GPC6: variants seen among roughly 807,000 people sequenced by gnomAD.
GPC6 encodes glypican-6.
A neutral mutation model predicts 55.2 loss-of-function variants in GPC6; 14 were observed. The ratio of observed to expected loss-of-function variants is 0.25; its 90% confidence interval spans 0.17 to 0.40. The LOEUF is 0.40. Among genes scored for constraint, GPC6 ranks in the 10% least tolerant of loss-of-function variants. GPC6 has a pLI of 1.00. For missense variants in GPC6, 641 were observed against 708.5 expected (o/e 0.90, Z 1.08); for synonymous variants, 278 against 259.6 (o/e 1.07, Z -0.68).
intron 1 of GPC6, among the ~76,000 whole-genome samples, chr13:93,229,141 A>T (rs950501256): frequency 6.6e-6 from 1 of 152,202 alleles, no homozygotes; most frequent in Non-Finnish European, 1.5e-5. Context: ...ATCAATGAAT[A>T]GAGAGCGACT....
chr13:93,472,312 C>T (rs1442812814), intron 1 of GPC6, among the ~76,000 whole-genome samples: 2 of 152,326 alleles, frequency 1.3e-5, no homozygotes, highest in African/African-American at 4.8e-5. Flanking sequence ...TCCTCTTGGC[C>T]TAGCAGGCTG....
At chr13:93,795,331 G>A (rs1183821900) in intron 2 of GPC6, among the ~76,000 whole-genome samples, 1 of 152,100 alleles carries the variant, frequency 6.6e-6, no homozygotes, top group Non-Finnish European at 1.5e-5. Context: ...AAGACATCTG[G>A]ATATCAAGAC....
chr13:93,506,107 G>C (rs927183510), intron 1 of GPC6, among the ~76,000 whole-genome samples: 1 of 152,146 alleles, frequency 6.6e-6, no homozygotes, highest in Non-Finnish European at 1.5e-5. Context: ...ATAGGAGAAA[G>C]TTGTTTATTG....
chr13:93,628,339 T>A (rs995734293), intron 2 of GPC6, among the ~76,000 whole-genome samples: 16 of 152,170 alleles, frequency 1.1e-4, no homozygotes, highest in African/African-American at 3.9e-4. Context: ...CTCTGATTCC[T>A]CCTTTGTAAT....
At chr13:94,347,378 G>T (rs1170512723) in intron 6 of GPC6, among the ~76,000 whole-genome samples, 1 of 152,074 alleles carries the variant, frequency 6.6e-6, no homozygotes, top group African/African-American at 2.4e-5. Flanking sequence ...TGTCCTGAAA[G>T]CTCCCCTAGT....
rs1397572926 is a variant in GPC6 at position 93,227,609 on chromosome 13, G to A, written c.153G>A (p.Glu51=). The A allele has an allele frequency of 1.2e-6, 2 of 1,604,240 alleles. No homozygotes were observed. The highest frequency in any genetic ancestry group is 2.2e-5 in the East Asian group (1 of 44,664). ...GCCTGGCGGACATCCCCTACCAGGA[G>A]ATCGCAGGTAAGCGCGGGCGCGCTG... The part of the protein sequence containing the change: ...GFSLADIPYQ[E]IAGEHLRICP... The change falls in exon 1 of 9, where the codon GAG becomes GAA. Residue 51 remains glutamate, a synonymous_variant. Transcript: ENST00000377047. The surrounding 1 kb of genome is among the most constrained non-coding windows in gnomAD (Gnocchi z 4.3).
chr13:93,909,077 A>G (rs1339173337), intron 3 of GPC6, among the ~76,000 whole-genome samples: 1 of 152,200 alleles, frequency 6.6e-6, no homozygotes, highest in Non-Finnish European at 1.5e-5. Flanking sequence ...TGCAAAGGCA[A>G]GCACCTGAGT....
At chr13:94,293,475 C>T (rs1276860974) in intron 5 of GPC6, among the ~76,000 whole-genome samples, 3 of 152,142 alleles carry the variant, frequency 2.0e-5, no homozygotes, top group Non-Finnish European at 4.4e-5. Context: ...TTTTAAGTTT[C>T]CTGAGGCCTC....
intron 4 of GPC6, among the ~76,000 whole-genome samples, chr13:94,184,293 A>G (rs941908317): frequency 4.6e-5 from 7 of 152,088 alleles, no homozygotes; most frequent in South Asian, 2.1e-4. Flanking sequence ...TAATTAAACC[A>G]TAGAGCTTTT....
Position 93,879,571 on chromosome 13 carries a change from G to A in GPC6, c.711+49026G>A, listed in dbSNP as rs556064168. On this transcript the variant is annotated intron_variant, in intron 3 of 8. Transcript: ENST00000377047. ...CTTATACAAAAATCAATTCAAGATG[G>A]ATTAAAGACTTAAACGTTAGACCTA... Among the ~76,000 whole-genome samples, 5 of 151,462 alleles carry A rather than the reference G, an allele frequency of 3.3e-5. No individual in the cohort carries two copies. The South Asian group carries it at 1.0e-3, about 32-fold the overall frequency.
At chr13:94,262,076 G>A (rs759455089) in intron 4 of GPC6, among the ~76,000 whole-genome samples, 1 of 152,156 alleles carries the variant, frequency 6.6e-6, no homozygotes, top group East Asian at 1.9e-4. Context: ...AGAAGTCTTG[G>A]GAGGCATTTT....
At chr13:93,522,238 A>G (rs1335055175) in intron 1 of GPC6, among the ~76,000 whole-genome samples, 1 of 151,974 alleles carries the variant, frequency 6.6e-6, no homozygotes, top group African/African-American at 2.4e-5. Flanking sequence ...AGCAATGCAA[A>G]TGATTCTTGT....
chr13:94,009,706 T>C (rs936270657), intron 3 of GPC6, among the ~76,000 whole-genome samples: 7 of 152,104 alleles, frequency 4.6e-5, no homozygotes, highest in African/African-American at 1.7e-4. Flanking sequence ...CATATGTCTG[T>C]ATTTAAAAAC....
intron 1 of GPC6, chr13:93,394,966 C>G: frequency 9.0e-6 from 2 of 221,920 alleles, no homozygotes; most frequent in Non-Finnish European, 1.9e-5. Context: ...TTCCACAGTA[C>G]AGAAACAGAA....
At chr13:94,197,925 A>T (rs985112440) in intron 4 of GPC6, among the ~76,000 whole-genome samples, 1 of 152,228 alleles carries the variant, frequency 6.6e-6, no homozygotes, top group African/African-American at 2.4e-5. Context: ...AATGTTTAGC[A>T]TGTTAAATGT....
At chr13:93,944,426 G>A (rs1011957965) in intron 3 of GPC6, among the ~76,000 whole-genome samples, 8 of 152,052 alleles carry the variant, frequency 5.3e-5, no homozygotes, top group Admixed American at 5.2e-4. Flanking sequence ...GGATGGTCTC[G>A]ATCTCCTGAC....
At chr13:93,284,065 G>C (rs139080499) in intron 1 of GPC6, among the ~76,000 whole-genome samples, 6 of 152,206 alleles carry the variant, frequency 3.9e-5, no homozygotes, top group Non-Finnish European at 8.8e-5. Flanking sequence ...TACTGTGCTA[G>C]CTTTGTTTAT....
intron 1 of GPC6, among the ~76,000 whole-genome samples, chr13:93,409,522 C>G (rs961017422): frequency 6.6e-6 from 1 of 152,120 alleles, no homozygotes; most frequent in Admixed American, 6.6e-5. Context: ...CTAGGGATGG[C>G]AAGTGTGTAC....
chr13:94,161,824 T>C (rs1594006234), intron 4 of GPC6, among the ~76,000 whole-genome samples: 1 of 152,112 alleles, frequency 6.6e-6, no homozygotes, highest in African/African-American at 2.4e-5. Flanking sequence ...GTAATTTATA[T>C]GGAAAAAGAG....
Sources: allele counts gnomAD v4.1 joint callset (sites outside exome capture counted in the v4.1 genomes callset), GRCh38; gene constraint gnomAD v4.1.1; non-coding constraint Gnocchi (gnomAD v3.1); transcripts MANE v1.5; gene names NCBI Gene and HGNC (gene_info 2026-07-23, HGNC 2026-07-21).